The following SMIM40 variants were observed in gnomAD, a reference collection of about 807,000 sequenced individuals.
SMIM40 encodes small integral membrane protein 40.
At position 33,329,169 on chromosome 6, in the gene SMIM40, T is replaced by G. The variant is rs1246634993; in HGVS notation, c.97A>C (p.Lys33Gln). Residue 33 changes from lysine (K) to glutamine (Q), a missense_variant, in exon 1 of 3, where the codon AAG becomes CAG. Transcript: ENST00000494082. Reference protein sequence around the residue: ...PRGPVRRALDKAFFIFLALFL... With the variant: ...PRGPVRRALDQAFFIFLALFL... ...AGGGCCAGGAAGATAAAGAAAGCCTTGTCCAAGGCACGTCGCACGGGACCC... is the reference window on the plus strand; with the variant it reads ...AGGGCCAGGAAGATAAAGAAAGCCTGGTCCAAGGCACGTCGCACGGGACCC... 3 of 398,720 alleles carry G rather than the reference T, an allele frequency of 7.5e-6. No homozygotes were observed. Among genetic ancestry groups the G allele is most frequent in the African/African-American group, 4.1e-5 (2 of 48,644 alleles). The allele number at this position is 398,720 out of a possible 1,614,324, so 24.7% of individuals were successfully genotyped here.
At chr6:33,326,358 A>G (rs200562221) in intron 1 of SMIM40, among the ~76,000 whole-genome samples, 4 of 120,904 alleles carry the variant, frequency 3.3e-5, no homozygotes, top group African/African-American at 1.4e-4. Flanking sequence ...TTTTTTTTTT[A>G]GTGGATATGG....
rs114323665 is a variant in SMIM40, at chr6:33,327,466, C to T, written c.*39+1521G>A. On this transcript the variant is annotated intron_variant, in intron 1 of 2. Transcript: ENST00000494082. ...TAAAATGTGGCCAGCTGTGGCTCAC[C>T]GCCTATAATCCTAGCACTTTGGGAA... Among the ~76,000 whole-genome samples, 173 of 149,454 alleles carry T rather than the reference C, an allele frequency of 1.2e-3. 15 individuals carry two copies. Among genetic ancestry groups the T allele is most frequent in the African/African-American group, 2.9e-3 (115 of 39,036 alleles).
chr6:33,324,782 G>A (rs1322635102), intron 1 of SMIM40, among the ~76,000 whole-genome samples: 2 of 145,996 alleles, frequency 1.4e-5, no homozygotes, highest in South Asian at 2.1e-4. Context: ...CTACTCAGGA[G>A]GCTGAGGCAG....
intron 1 of SMIM40, 148 bp downstream of exon 1, chr6:33,328,839 T>C: frequency 2.8e-6 from 1 of 354,298 alleles, no homozygotes; most frequent in Non-Finnish European, 5.0e-6. Flanking sequence ...TGAGCCAAGA[T>C]TGTGCCATTG....
chr6:33,327,153 T>A lies in SMIM40; in HGVS notation c.*39+1834A>T, dbSNP rs550946981. The stretch of plus-strand genomic sequence containing the variant: ...AAATAAATAAATAGGCCAGGTGCAG[T>A]GGCTCATGCTGTAATTCCAGCACTT... On this transcript the variant is annotated intron_variant, in intron 1 of 2. Transcript: ENST00000494082. Among the ~76,000 whole-genome samples, 4 of 136,690 alleles carry A rather than the reference T, an allele frequency of 2.9e-5. No individual in the cohort carries two copies. In the East Asian group the frequency reaches 8.9e-4, roughly 30 times the overall value. The allele number at this position is 136,690 out of a possible 152,430, so 89.7% of individuals were successfully genotyped here.
Position 33,329,236 on chromosome 6 carries a change from C to T in SMIM40, c.30G>A (p.Ala10=), listed in dbSNP as rs978162839. The change falls in exon 1 of 3, where the codon GCG becomes GCA. Residue 10 remains alanine (A), a synonymous_variant. Transcript: ENST00000494082. ...CCTGGGCAAATGCCAGGAACACATC[C>T]GCCTCGTCCACATCACCTTCCTCTG... MAEEGDVDE[A]DVFLAFAQGP... The T allele has an allele frequency of 2.3e-5, 9 of 398,580 alleles. No homozygotes were observed. Among genetic ancestry groups the T allele is most frequent in the African/African-American group, 4.1e-5 (2 of 48,632 alleles). 24.7% of individuals were successfully genotyped at this position (398,580 alleles called of 1,614,324 possible).
intron 1 of SMIM40, 84 bp downstream of exon 1, chr6:33,328,903 A>G (rs1312337380): frequency 7.6e-5 from 23 of 301,106 alleles, no homozygotes; most frequent in Admixed American, 2.4e-4. Flanking sequence ...AAAAAAAAAA[A>G]AAAAAAGACT....
At chr6:33,328,611 G>T (rs959950892) in intron 1 of SMIM40, among the ~76,000 whole-genome samples, 1 of 150,480 alleles carries the variant, frequency 6.6e-6, no homozygotes, top group East Asian at 2.0e-4. Flanking sequence ...TGCCCTGGCC[G>T]GGCGCAGTGG....
At chr6:33,326,485 A>G (rs1771180467) in intron 1 of SMIM40, among the ~76,000 whole-genome samples, 1 of 148,592 alleles carries the variant, frequency 6.7e-6, no homozygotes, top group Non-Finnish European at 1.5e-5. Flanking sequence ...CATCACTATG[A>G]TATTTCAATT....
At position 33,329,112 on chromosome 6, in the gene SMIM40, A is replaced by G. The variant is rs192828941; in HGVS notation, c.154T>C (p.Tyr52His). Residue 52 changes from tyrosine to histidine, a missense_variant, in exon 1 of 3, where the codon TAT becomes CAT. Physicochemically the swap from Tyr to His is moderately conservative, Grantham distance 83 (BLOSUM62 2). Transcript: ENST00000494082. Reference sequence around the variant, plus strand: ...CATAGTAGTAACCACAGCAGCTTATAAGCAGCCTCCAGCATCAGCAGTGTC... The same window carrying G: ...CATAGTAGTAACCACAGCAGCTTATGAGCAGCCTCCAGCATCAGCAGTGTC... ...FLTLLMLEAA[Y>H]KLLWLLLWAK... is the part of the protein sequence containing the mutation. The G allele has an allele frequency of 7.3e-4, 292 of 398,856 alleles. 2 individuals are homozygous for G. Among genetic ancestry groups the G allele is most frequent in the Non-Finnish European group, 1.0e-3 (237 of 226,260 alleles). The allele number at this position is 398,856 out of a possible 1,614,324, so 24.7% of individuals were successfully genotyped here.
At chr6:33,328,350 C>T (rs911301867) in intron 1 of SMIM40, among the ~76,000 whole-genome samples, 13 of 150,856 alleles carry the variant, frequency 8.6e-5, no homozygotes, top group African/African-American at 2.4e-4. Context: ...CCAACTTTCC[C>T]GGCTAATTTT....
At chr6:33,328,651 G>T (rs571588180) in intron 1 of SMIM40, among the ~76,000 whole-genome samples, 162 of 151,752 alleles carry the variant, frequency 1.1e-3, no homozygotes, top group African/African-American at 3.9e-3. Flanking sequence ...CGCTTTGGGA[G>T]GCCAAGGCAG....
chr6:33,324,882 CAAAAAAAAAAAAAAAAAA>C (rs376451265), intron 1 of SMIM40, among the ~76,000 whole-genome samples: 16 of 47,230 alleles, frequency 3.4e-4, no homozygotes, highest in South Asian at 2.7e-3. Flanking sequence ...GAGATTATCT[CAAAAAAAAAAAAAAAAAA>C]AAAAAAAAAA....
chr6:33,326,926 A>G (rs2151009710), intron 1 of SMIM40, among the ~76,000 whole-genome samples: 1 of 147,928 alleles, frequency 6.8e-6, no homozygotes, highest in Non-Finnish European at 1.5e-5. Flanking sequence ...GTTCGAGACC[A>G]GCCTGCCCAA....
chr6:33,324,234 G>C (rs1210669280), intron 1 of SMIM40, among the ~76,000 whole-genome samples: 1 of 152,094 alleles, frequency 6.6e-6, no homozygotes, highest in Non-Finnish European at 1.5e-5. Context: ...TCAAAATGGG[G>C]AACATAAAAA....
At chr6:33,328,886 CAAAAAAAAAAAAAA>C (rs9280408) in intron 1 of SMIM40, 87 bp downstream of exon 1, 673 of 272,660 alleles carry the variant, frequency 2.5e-3, no homozygotes, top group Middle Eastern at 5.8e-3. Flanking sequence ...AACTCCATCT[CAAAAAAAAAAAAAA>C]AAAAAAAAAG....
Position 33,326,312 on chromosome 6 carries a change from C to T in SMIM40, c.*40-2282G>A, listed in dbSNP as rs1771167259. On this transcript the variant is annotated intron_variant, in intron 1 of 2. Coordinates refer to ENST00000494082, the MANE Select transcript of SMIM40 (RefSeq NM_001369203.1). The stretch of plus-strand genomic sequence containing the variant: ...AGCAGCTGGGATTACAGGCACACAA[C>T]ACCATGCCCAGCTAATTTTTTGTAT... 1.4e-5 allele frequency among the ~76,000 whole-genome samples: 2 copies of T among 146,624 alleles called. 1 individual carries two copies. Among genetic ancestry groups the T allele is most frequent in the African/African-American group, 5.4e-5 (2 of 36,872 alleles).
At chr6:33,324,882 C>CAAAAAAAAAAAAAAAAAAAAAAAA (rs376451265) in intron 1 of SMIM40, among the ~76,000 whole-genome samples, 2 of 47,242 alleles carry the variant, frequency 4.2e-5, no homozygotes, top group Non-Finnish European at 7.4e-5. Context: ...GAGATTATCT[C>CAAAAAAAAAAAAAAAAAAAAAAAA]AAAAAAAAAA....
At chr6:33,327,567 A>T (rs1771281230) in intron 1 of SMIM40, among the ~76,000 whole-genome samples, 1 of 140,398 alleles carries the variant, frequency 7.1e-6, no homozygotes, top group African/African-American at 3.3e-5. Context: ...ATCTCAATAA[A>T]TCAATAAATA....
Sources: gnomAD v4.1 joint callset for allele counts (sites outside exome capture counted in the v4.1 genomes callset) on GRCh38, gnomAD v4.1.1 for gene constraint, MANE v1.5 for transcripts, NCBI Gene and HGNC (gene_info 2026-07-23, HGNC 2026-07-21) for gene names.